The following MECOM variants were observed in gnomAD, a reference collection of about 807,000 sequenced individuals.
MECOM encodes MDS1 and EVI1 complex locus, also known as histone-lysine N-methyltransferase MECOM.
Under a neutral mutation model 116.3 loss-of-function variants are expected in MECOM, and 13 were observed. The ratio of observed to expected loss-of-function variants is 0.11; its 90% CI spans 0.07 to 0.18. MECOM has a LOEUF of 0.18. Among genes scored for constraint, MECOM ranks in the 10% least tolerant of loss-of-function variants. The pLI, the probability that MECOM is intolerant of heterozygous loss-of-function variation, is 1.00. For missense variants in MECOM, 1,299 were observed against 1,509.0 expected, an observed-to-expected ratio of 0.86 and a Z score of 2.31; for synonymous variants, 528 against 535.2, an observed-to-expected ratio of 0.99 and a Z score of 0.19.
chr3:169,368,975 T>C (rs1168402687), intron 2 of MECOM, among the ~76,000 whole-genome samples: 1 of 151,984 alleles, frequency 6.6e-6, no homozygotes, highest in African/African-American at 2.4e-5. Flanking sequence ...TGAAAAACGA[T>C]TGATTCACAT....
chr3:169,576,297 A>G (rs1051458203), intron 1 of MECOM, among the ~76,000 whole-genome samples: 3 of 152,174 alleles, frequency 2.0e-5, no homozygotes, highest in Non-Finnish European at 4.4e-5. Context: ...TATGCTAGGC[A>G]CAATAGACAT....
chr3:169,244,333 G>A (rs1211334080), intron 2 of MECOM, among the ~76,000 whole-genome samples: 1 of 152,170 alleles, frequency 6.6e-6, no homozygotes, highest in Non-Finnish European at 1.5e-5. Flanking sequence ...ATAGCCCCGA[G>A]GCATGGTGCT....
At chr3:169,209,364 T>G (rs1265684083) in intron 2 of MECOM, among the ~76,000 whole-genome samples, 1 of 152,100 alleles carries the variant, frequency 6.6e-6, no homozygotes, top group Non-Finnish European at 1.5e-5. Context: ...TGGGATCTAA[T>G]TAAACTAAAG....
chr3:169,383,416 A>G (rs1229653316), intron 1 of MECOM, among the ~76,000 whole-genome samples: 1 of 152,134 alleles, frequency 6.6e-6, no homozygotes, highest in East Asian at 1.9e-4. Context: ...TCTTTCTACT[A>G]TGAATACCAT....
At chr3:169,552,168 A>G (rs7629338) in intron 1 of MECOM, among the ~76,000 whole-genome samples, 135,242 of 140,716 alleles carry the variant, frequency 0.96, 65,384 homozygotes, top group East Asian at 1. Context: ...TACTTTAAAA[A>G]GGTATTTTAT....
intron 1 of MECOM, among the ~76,000 whole-genome samples, chr3:169,388,519 C>T (rs1733740349): frequency 6.6e-6 from 1 of 152,098 alleles, no homozygotes; most frequent in African/African-American, 2.4e-5. Flanking sequence ...AGAAAGGAAA[C>T]TAGTAAAAGT....
intron 3 of MECOM, among the ~76,000 whole-genome samples, chr3:169,134,341 A>G (rs1333721547): frequency 6.6e-6 from 1 of 152,222 alleles, no homozygotes; most frequent in African/African-American, 2.4e-5. Flanking sequence ...TATTGAGTGC[A>G]TACAAAATAA....
intron 1 of MECOM, among the ~76,000 whole-genome samples, chr3:169,396,301 T>G (rs1205096294): frequency 6.6e-6 from 1 of 152,206 alleles, no homozygotes; most frequent in African/African-American, 2.4e-5. Flanking sequence ...TTAATGTATT[T>G]GAGCCTCAGT....
Position 169,146,726 on chromosome 3 carries a change from T to G in MECOM, c.376-2894A>C, listed in dbSNP as rs1354786486. On this transcript the variant is annotated intron_variant, in intron 2 of 16. Transcript: ENST00000651503. Reference sequence around the variant, plus strand: ...TTAAAGTGAGGAGTTCTCTTACCTTTAGATTTCTATGGCCTCAACTCAGCA... The same window carrying G: ...TTAAAGTGAGGAGTTCTCTTACCTTGAGATTTCTATGGCCTCAACTCAGCA... 2.5e-6 allele frequency: 3 copies of G among 1,218,182 alleles called. No individual in the cohort carries two copies. The East Asian group carries it at 1.7e-4, about 68-fold the overall frequency. 75.5% of individuals were successfully genotyped at this position (1,218,182 alleles called of 1,614,324 possible).
At chr3:169,386,299 C>T (rs1010431497) in intron 1 of MECOM, among the ~76,000 whole-genome samples, 25 of 152,048 alleles carry the variant, frequency 1.6e-4, no homozygotes, top group African/African-American at 5.8e-4. Flanking sequence ...CAAAACAATC[C>T]ATTGAGAAAA....
chr3:169,481,344 G>A (rs924189111), intron 1 of MECOM, among the ~76,000 whole-genome samples: 3 of 152,104 alleles, frequency 2.0e-5, no homozygotes, highest in African/African-American at 7.2e-5. Flanking sequence ...ATTGAGGTCA[G>A]GAATTCAAGA....
intron 1 of MECOM, among the ~76,000 whole-genome samples, chr3:169,603,326 T>C (rs992480198): frequency 6.6e-6 from 1 of 152,224 alleles, no homozygotes; most frequent in African/African-American, 2.4e-5. Flanking sequence ...AATATTTTTG[T>C]ACAGTTGTAC....
chr3:169,533,591 T>TTTTTTTTTTTTTTTTTTTTTTTAC (rs55667588), intron 1 of MECOM, among the ~76,000 whole-genome samples: 3 of 132,238 alleles, frequency 2.3e-5, no homozygotes, highest in African/African-American at 2.9e-5. Flanking sequence ...TTTTTTTTTT[T>TTTTTTTTTTTTTTTTTTTTTTTAC]ATTTCCTTAT....
chr3:169,652,568 T>C (rs1218888652), intron 1 of MECOM, among the ~76,000 whole-genome samples: 2 of 152,040 alleles, frequency 1.3e-5, no homozygotes, highest in Non-Finnish European at 2.9e-5. Context: ...ATTTTCTCTA[T>C]AGAGATGGTT....
chr3:169,617,379 A>G (rs1770143769), intron 1 of MECOM, among the ~76,000 whole-genome samples: 1 of 152,194 alleles, frequency 6.6e-6, no homozygotes, highest in Admixed American at 6.5e-5. Flanking sequence ...ATCACCTGCG[A>G]ATGTTGTTAA....
At chr3:169,579,162 A>C (rs976878421) in intron 1 of MECOM, among the ~76,000 whole-genome samples, 3 of 152,166 alleles carry the variant, frequency 2.0e-5, no homozygotes, top group African/African-American at 7.2e-5. Context: ...GAGCCCCTTT[A>C]GAACAGCTGC....
At chr3:169,126,306 G>C (rs1732820254) in intron 5 of MECOM, among the ~76,000 whole-genome samples, 1 of 152,038 alleles carries the variant, frequency 6.6e-6, no homozygotes. Flanking sequence ...TTAGTGTTTA[G>C]TTGGTCAATT....
chr3:169,373,739 T>C (rs1440397730), intron 2 of MECOM, among the ~76,000 whole-genome samples: 1 of 151,954 alleles, frequency 6.6e-6, no homozygotes, highest in Non-Finnish European at 1.5e-5. Context: ...GTAGTTTCCC[T>C]AGAATCACAC....
chr3:169,187,940 C>T (rs1746991612), intron 2 of MECOM, among the ~76,000 whole-genome samples: 1 of 152,096 alleles, frequency 6.6e-6, no homozygotes, highest in Non-Finnish European at 1.5e-5. Flanking sequence ...TTGTACTTTG[C>T]TCTATCATTT....
Sources: allele counts gnomAD v4.1 joint callset (sites outside exome capture counted in the v4.1 genomes callset), GRCh38; gene constraint gnomAD v4.1.1; transcripts MANE v1.5; gene names NCBI Gene and HGNC (gene_info 2026-07-23, HGNC 2026-07-21).